Variants in XYLT1 observed in about 807,000 individuals in gnomAD.
XYLT1 encodes the protein xylosyltransferase 1.
A neutral mutation model predicts 91.3 loss-of-function variants in XYLT1; 36 were observed. The observed-to-expected ratio is 0.39, with a 90% CI of 0.30 to 0.52. The LOEUF is 0.52. Among genes scored for constraint, XYLT1 ranks in the 20% least tolerant of loss-of-function variants. The pLI is 0.68. For missense variants in XYLT1, 1,242 were observed against 1,284.5 expected (o/e 0.97, Z 0.51); for synonymous variants, 588 against 532.0 (o/e 1.11, Z -1.45).
At chr16:17,216,617 G>T (rs546766026) in intron 3 of XYLT1, among the ~76,000 whole-genome samples, 3 of 152,150 alleles carry the variant, frequency 2.0e-5, no homozygotes, top group Admixed American at 6.6e-5. Context: ...TTTACTTTGC[G>T]CTGGTCACTC....
At chr16:17,172,208 C>T (rs899904251) in intron 5 of XYLT1, among the ~76,000 whole-genome samples, 1 of 151,908 alleles carries the variant, frequency 6.6e-6, no homozygotes, top group Non-Finnish European at 1.5e-5. Context: ...TCCTCTCTCC[C>T]TTTTTTTTCT....
intron 10 of XYLT1, among the ~76,000 whole-genome samples, chr16:17,124,816 G>A (rs765935949): frequency 1.6e-4 from 24 of 152,078 alleles, no homozygotes; most frequent in Admixed American, 7.9e-4. Flanking sequence ...TGTGTTTGTT[G>A]GAGTGAGTTA....
intron 1 of XYLT1, among the ~76,000 whole-genome samples, chr16:17,415,553 G>A (rs748924346): frequency 1.3e-5 from 2 of 152,286 alleles, no homozygotes; most frequent in East Asian, 3.9e-4. Flanking sequence ...TTAGCTGGGT[G>A]TGGTGGCACG....
At chr16:17,310,165 T>C (rs1369681247) in intron 2 of XYLT1, among the ~76,000 whole-genome samples, 2 of 152,224 alleles carry the variant, frequency 1.3e-5, no homozygotes, top group Middle Eastern at 3.2e-3. Context: ...CTTGGGTTCA[T>C]TCACTTCCCT....
At chr16:17,140,894 T>C (rs1474994883) in intron 7 of XYLT1, among the ~76,000 whole-genome samples, 1 of 152,206 alleles carries the variant, frequency 6.6e-6, no homozygotes, top group Non-Finnish European at 1.5e-5. Context: ...CCAAGTATCT[T>C]GAGGAAGAGC....
intron 3 of XYLT1, among the ~76,000 whole-genome samples, chr16:17,211,589 A>G (rs1292687170): frequency 2.0e-5 from 3 of 152,146 alleles, no homozygotes; most frequent in African/African-American, 7.2e-5. Flanking sequence ...ATCCCCATTT[A>G]TAGATAATCA....
chr16:17,394,755 T>C (rs917738150), intron 1 of XYLT1, among the ~76,000 whole-genome samples: 10 of 152,164 alleles, frequency 6.6e-5, no homozygotes, highest in African/African-American at 2.2e-4. Context: ...TATGACTCAG[T>C]TTACCTATAG....
chr16:17,368,844 G>A (rs184861793), intron 1 of XYLT1, among the ~76,000 whole-genome samples: 5 of 152,016 alleles, frequency 3.3e-5, no homozygotes, highest in East Asian at 3.9e-4. Flanking sequence ...TTGGCCTCCC[G>A]AATTGCTGGA....
At position 17,134,720 on chromosome 16, in the gene XYLT1, T is replaced by C; in HGVS notation, c.1780A>G (p.Thr594Ala). 1 of 1,614,096 alleles carries C rather than the reference T, an allele frequency of 6.2e-7. No homozygotes were observed. The highest frequency in any genetic ancestry group is 8.5e-7 in the Non-Finnish European group (1 of 1,179,996). ...GCTTCAAACTTGCGGGCAAAGAAGGTAGGCCGGGCTGTCTGCTGTACTCAT... is the reference window on the plus strand; with the variant it reads ...GCTTCAAACTTGCGGGCAAAGAAGGCAGGCCGGGCTGTCTGCTGTACTCAT... The part of the protein sequence containing the change: ...FHRFQQTARP[T>A]FFARKFEAVV... The change falls in exon 9 of 12, where the codon ACC becomes GCC. Residue 594 changes from threonine (T) to alanine (A), a missense_variant. By Grantham distance (58) the Thr-to-Ala change is moderately conservative. Transcript: ENST00000261381.
intron 2 of XYLT1, among the ~76,000 whole-genome samples, chr16:17,351,215 A>T (rs2035215924): frequency 6.6e-6 from 1 of 152,166 alleles, no homozygotes; most frequent in Admixed American, 6.5e-5. Context: ...GTCTGGACAC[A>T]TTAGAAGATA....
intron 2 of XYLT1, among the ~76,000 whole-genome samples, chr16:17,326,986 C>T (rs1411275501): frequency 6.6e-6 from 1 of 152,216 alleles, no homozygotes; most frequent in East Asian, 1.9e-4. Context: ...GTCCATGAAG[C>T]CGACCCTGCT....
Position 17,318,790 on chromosome 16 carries a change from CT to C in XYLT1, c.402+39221del, listed in dbSNP as rs58376375. Among the ~76,000 whole-genome samples the C allele has an allele frequency of 4.1e-4, 58 of 142,608 alleles. 1 individual carries two copies. Among genetic ancestry groups the C allele is most frequent in the Admixed American group, 7.7e-4 (11 of 14,302 alleles). The allele number at this position is 142,608 out of a possible 152,430, so 93.6% of individuals were successfully genotyped here. A position where few individuals can be genotyped will look rare whatever the true frequency, so the allele number is the denominator to read the frequency against. On this transcript the variant is annotated intron_variant, in intron 2 of 11. Transcript: ENST00000261381. ...GGTTCCATCCTGGGATCTGCTTACT[CT>C]TTTTTTTTTTTTTTCTTCAGATGAG...
chr16:17,383,235 C>T (rs1201748914), intron 1 of XYLT1, among the ~76,000 whole-genome samples: 1 of 151,870 alleles, frequency 6.6e-6, no homozygotes, highest in Non-Finnish European at 1.5e-5. Context: ...CCTCATTTTG[C>T]ACGGCCCATT....
chr16:17,238,200 G>T (rs2033278355), intron 3 of XYLT1, among the ~76,000 whole-genome samples: 1 of 152,132 alleles, frequency 6.6e-6, no homozygotes, highest in Admixed American at 6.5e-5. Context: ...AATCCTTTTT[G>T]AAGACAATGG....
chr16:17,448,094 G>A (rs1316424626), intron 1 of XYLT1, among the ~76,000 whole-genome samples: 1 of 152,230 alleles, frequency 6.6e-6, no homozygotes, highest in Admixed American at 6.5e-5. Flanking sequence ...TTGGCCAGAT[G>A]TGGTGGCTCA....
intron 2 of XYLT1, among the ~76,000 whole-genome samples, chr16:17,297,694 A>G (rs1396892684): frequency 6.6e-6 from 1 of 151,938 alleles, no homozygotes. Flanking sequence ...CTGTGCTCCA[A>G]CCTAGGCCAC....
At chr16:17,414,553 G>C (rs1289682641) in intron 1 of XYLT1, among the ~76,000 whole-genome samples, 1 of 152,192 alleles carries the variant, frequency 6.6e-6, no homozygotes, top group Non-Finnish European at 1.5e-5. Context: ...CCGTGGATGA[G>C]TCTCCTTGTA....
intron 1 of XYLT1, among the ~76,000 whole-genome samples, chr16:17,373,465 G>A (rs2035561029): frequency 1.3e-5 from 2 of 152,306 alleles, no homozygotes; most frequent in South Asian, 2.1e-4. Context: ...CAAAACTTGT[G>A]AATAAAACAA....
chr16:17,293,474 T>C (rs914713920), intron 2 of XYLT1, among the ~76,000 whole-genome samples: 26 of 146,706 alleles, frequency 1.8e-4, no homozygotes, highest in Middle Eastern at 3.3e-3. Flanking sequence ...GTTTTTAACA[T>C]AAAGATTTTC....
Sources: gnomAD v4.1 joint callset for allele counts (sites outside exome capture counted in the v4.1 genomes callset) on GRCh38, gnomAD v4.1.1 for gene constraint, MANE v1.5 for transcripts, NCBI Gene and HGNC (gene_info 2026-07-23, HGNC 2026-07-21) for gene names.